The following OXR1 variants were observed in gnomAD, a reference collection of about 807,000 sequenced individuals.
OXR1 encodes oxidation resistance protein 1.
OXR1 carries 41 observed loss-of-function variants against 104.6 expected under a neutral mutation model. That is an observed-to-expected ratio of 0.39 (90% confidence interval 0.31 to 0.51). The LOEUF is 0.51. Ranked by LOEUF, OXR1 falls within the 20% of genes least tolerant of loss-of-function variation. The pLI is 0.77. For synonymous variants in OXR1, 348 were observed against 348.4 expected, an observed-to-expected ratio of 1.00 and a Z score of 0.01; for missense variants, 955 against 1,031.9, an observed-to-expected ratio of 0.93 and a Z score of 1.02.
intron 2 of OXR1, among the ~76,000 whole-genome samples, chr8:106,474,761 C>T (rs567396081): frequency 2.6e-5 from 4 of 151,874 alleles, no homozygotes; most frequent in African/African-American, 7.2e-5. Flanking sequence ...GCTTTTCCAA[C>T]CCTTGAGCAA....
chr8:106,545,327 ATGACTTAAATAAAG>A (rs1482452016), intron 3 of OXR1, among the ~76,000 whole-genome samples: 2 of 152,356 alleles, frequency 1.3e-5, no homozygotes, highest in Non-Finnish European at 2.9e-5. Context: ...ATTTGATCTA[ATGACTTAAATAAAG>A]TAGCCAAAAC....
intron 1 of OXR1, among the ~76,000 whole-genome samples, chr8:106,290,515 A>C (rs1355965690): frequency 6.6e-6 from 1 of 152,184 alleles, no homozygotes; most frequent in Admixed American, 6.5e-5. Context: ...CAGACAACCT[A>C]TAGAATGGGA....
intron 1 of OXR1, among the ~76,000 whole-genome samples, chr8:106,329,723 G>A (rs1043166873): frequency 2.6e-5 from 4 of 152,110 alleles, no homozygotes; most frequent in Non-Finnish European, 4.4e-5. Flanking sequence ...AGGCTCTGGC[G>A]AGTGGGAACA....
intron 3 of OXR1, among the ~76,000 whole-genome samples, chr8:106,573,906 T>A (rs2130579104): frequency 7.8e-6 from 1 of 127,866 alleles, no homozygotes; most frequent in East Asian, 2.0e-4. Context: ...TAATGGGTAA[T>A]TTTTAATTCA....
intron 11 of OXR1, among the ~76,000 whole-genome samples, chr8:106,735,757 C>A (rs990312354): frequency 6.6e-6 from 1 of 151,884 alleles, no homozygotes; most frequent in East Asian, 1.9e-4. Flanking sequence ...ATTTTTAGTA[C>A]CTAATTTTTC....
intron 1 of OXR1, among the ~76,000 whole-genome samples, chr8:106,321,164 T>C (rs1210080922): frequency 6.6e-6 from 1 of 152,218 alleles, no homozygotes; most frequent in African/African-American, 2.4e-5. Context: ...TTTTAGGTAA[T>C]ATGAAAAGTA....
intron 3 of OXR1, among the ~76,000 whole-genome samples, chr8:106,645,180 C>T (rs759079119): frequency 6.6e-6 from 1 of 152,210 alleles, no homozygotes; most frequent in Non-Finnish European, 1.5e-5. Context: ...CTAGCTCAAT[C>T]TGAGGGCCTA....
chr8:106,498,734 A>G (rs1052021498), intron 2 of OXR1, among the ~76,000 whole-genome samples: 2 of 152,210 alleles, frequency 1.3e-5, no homozygotes, highest in Non-Finnish European at 2.9e-5. Flanking sequence ...CACTCATTGC[A>G]GTATGTCACT....
intron 7 of OXR1, 53 bp downstream of exon 7, chr8:106,692,930 A>ATGT: frequency 7.8e-7 from 1 of 1,283,144 alleles, no homozygotes; most frequent in Non-Finnish European, 1.1e-6. Context: ...GTTATTACTA[A>ATGT]TGTATGATAG....
intron 1 of OXR1, among the ~76,000 whole-genome samples, chr8:106,294,529 G>T (rs79640069): frequency 5.9e-4 from 90 of 152,160 alleles, no homozygotes; most frequent in African/African-American, 2.2e-3. Flanking sequence ...TTCTGGGGAG[G>T]ACTCAGGAAG....
intron 2 of OXR1, among the ~76,000 whole-genome samples, chr8:106,460,943 T>C (rs947772863): frequency 2.1e-4 from 32 of 151,836 alleles, no homozygotes; most frequent in African/African-American, 7.7e-4. Context: ...CACGTGTATA[T>C]TAAATTAAAA....
chr8:106,686,859 C>CT (rs1265196370), intron 6 of OXR1, among the ~76,000 whole-genome samples: 2 of 151,902 alleles, frequency 1.3e-5, no homozygotes, highest in Admixed American at 1.3e-4. Flanking sequence ...TTATTTTTCA[C>CT]TTTTTTTTGT....
chr8:106,647,098 A>G (rs1021134805), intron 3 of OXR1, among the ~76,000 whole-genome samples: 1 of 152,242 alleles, frequency 6.6e-6, no homozygotes, highest in Non-Finnish European at 1.5e-5. Context: ...CCAAGTTTCA[A>G]TTATAATTGT....
chr8:106,627,165 G>A (rs1329485375), intron 3 of OXR1, among the ~76,000 whole-genome samples: 1 of 152,134 alleles, frequency 6.6e-6, no homozygotes, highest in Non-Finnish European at 1.5e-5. Flanking sequence ...TATTTCAAAA[G>A]AAAACTTGGT....
intron 7 of OXR1, among the ~76,000 whole-genome samples, chr8:106,698,803 C>T (rs1423542333): frequency 6.6e-6 from 1 of 151,826 alleles, no homozygotes; most frequent in Non-Finnish European, 1.5e-5. Context: ...ATTGTTTTAA[C>T]GTCTTTTTTT....
At chr8:106,322,681 G>A (rs1055531819) in intron 1 of OXR1, among the ~76,000 whole-genome samples, 13 of 152,270 alleles carry the variant, frequency 8.5e-5, no homozygotes, top group African/African-American at 3.1e-4. Flanking sequence ...AACAACTTCA[G>A]CAAAGTTGCG....
At chr8:106,595,220 T>G (rs1304787675) in intron 3 of OXR1, among the ~76,000 whole-genome samples, 1 of 152,192 alleles carries the variant, frequency 6.6e-6, no homozygotes, top group Non-Finnish European at 1.5e-5. Flanking sequence ...AGTCTGATCA[T>G]TACCTTCTCT....
At chr8:106,713,771 A>T in intron 10 of OXR1, 52 bp from the exon 11 acceptor site, 2 of 1,057,884 alleles carry the variant, frequency 1.9e-6, no homozygotes, top group Non-Finnish European at 2.6e-6. Context: ...ATAATTTTTT[A>T]ATTCTGGCAG....
At chr8:106,322,102 C>T (rs980230507) in intron 1 of OXR1, among the ~76,000 whole-genome samples, 3 of 152,132 alleles carry the variant, frequency 2.0e-5, no homozygotes, top group Non-Finnish European at 2.9e-5. Context: ...TTTTGTTTTG[C>T]GTATTGAGTT....
Sources: gnomAD v4.1 joint callset for allele counts (sites outside exome capture counted in the v4.1 genomes callset) on GRCh38, gnomAD v4.1.1 for gene constraint, MANE v1.5 for transcripts, NCBI Gene and HGNC (gene_info 2026-07-23, HGNC 2026-07-21) for gene names.